MEGF10: variants seen among roughly 807,000 people sequenced by gnomAD.
MEGF10 encodes the protein multiple epidermal growth factor-like domains protein 10.
In MEGF10, 86 loss-of-function variants were observed where a neutral mutation model predicts 147.5. The ratio of observed to expected loss-of-function variants is 0.58; its 90% confidence interval spans 0.49 to 0.70. The LOEUF (loss-of-function observed/expected upper bound fraction) is 0.70, where lower values mean the gene tolerates loss of function less well. Ranked by LOEUF, MEGF10 falls within the 30% of genes least tolerant of loss-of-function variation. MEGF10 has a pLI of 0.00. For missense variants in MEGF10, 1,329 were observed against 1,487.3 expected, an observed-to-expected ratio of 0.89 and a Z score of 1.75; for synonymous variants, 478 against 525.5, an observed-to-expected ratio of 0.91 and a Z score of 1.24.
intron 4 of MEGF10, among the ~76,000 whole-genome samples, chr5:127,344,575 T>A (rs1230605247): frequency 6.6e-6 from 1 of 152,126 alleles, no homozygotes; most frequent in Non-Finnish European, 1.5e-5. Context: ...TGTCACATGT[T>A]GTCAAGAAAT....
intron 5 of MEGF10, among the ~76,000 whole-genome samples, chr5:127,384,524 A>T (rs569524584): frequency 6.6e-6 from 1 of 152,364 alleles, no homozygotes; most frequent in African/African-American, 2.4e-5. Flanking sequence ...ATAGAGACAC[A>T]TCAACATTTG....
chr5:127,389,453 A>G (rs1278014296), intron 5 of MEGF10, among the ~76,000 whole-genome samples: 1 of 152,246 alleles, frequency 6.6e-6, no homozygotes, highest in African/African-American at 2.4e-5. Context: ...TTGTTCCAAC[A>G]TAAAGATACA....
At position 127,457,144 on chromosome 5, in the gene MEGF10, T is replaced by G. The variant is rs765185920; in HGVS notation, c.3249T>G (p.Val1083=). The part of the protein sequence containing the change: ...NVYEVEPTVS[V]VQGVFSNNGR... The stretch of plus-strand genomic sequence containing the variant: ...TTATCACAGAACCTACAGTGAGTGT[T>G]GTCCAAGGAGTATTCAGCAATAATG... Residue 1083 remains valine, a synonymous_variant, in exon 25 of 25, where the codon GTT becomes GTG. Coordinates refer to ENST00000503335, the MANE Select transcript of MEGF10 (RefSeq NM_001256545.2). The G allele has an allele frequency of 2.5e-6, 4 of 1,612,700 alleles. No individual in the cohort carries two copies. The highest frequency in any genetic ancestry group is 3.4e-6 in the Non-Finnish European group (4 of 1,179,512).
chr5:127,336,293 CTA>C (rs1761466836), intron 2 of MEGF10, among the ~76,000 whole-genome samples: 1 of 151,716 alleles, frequency 6.6e-6, no homozygotes, highest in Non-Finnish European at 1.5e-5. Context: ...TTCCCCCAAG[CTA>C]TATATATTTC....
chr5:127,412,647 A>G (rs557709364), intron 9 of MEGF10, among the ~76,000 whole-genome samples: 17 of 152,280 alleles, frequency 1.1e-4, no homozygotes, highest in Admixed American at 8.5e-4. Flanking sequence ...ATAGTTGGGT[A>G]AGGGTTTGTA....
At chr5:127,456,306 A>G (rs1398463311) in intron 24 of MEGF10, among the ~76,000 whole-genome samples, 2 of 152,204 alleles carry the variant, frequency 1.3e-5, no homozygotes, top group Admixed American at 1.3e-4. Context: ...ATGCAAATTA[A>G]TATGAATTCA....
At chr5:127,318,955 T>A (rs998559725) in intron 1 of MEGF10, among the ~76,000 whole-genome samples, 1 of 152,184 alleles carries the variant, frequency 6.6e-6, no homozygotes, top group East Asian at 1.9e-4. Flanking sequence ...TTCAATAAAC[T>A]TTTATTTGTC....
intron 1 of MEGF10, among the ~76,000 whole-genome samples, chr5:127,314,865 A>G (rs1043266119): frequency 1.3e-5 from 2 of 152,214 alleles, no homozygotes; most frequent in African/African-American, 2.4e-5. Context: ...AACAAATGAC[A>G]GTAATATAGT....
intron 1 of MEGF10, among the ~76,000 whole-genome samples, chr5:127,325,469 C>T (rs1192659720): frequency 6.6e-6 from 1 of 151,940 alleles, no homozygotes; most frequent in Non-Finnish European, 1.5e-5. Flanking sequence ...AGTGAATTAC[C>T]AGGGTCTTCC....
chr5:127,387,186 A>G (rs1450798604), intron 5 of MEGF10, among the ~76,000 whole-genome samples: 1 of 152,176 alleles, frequency 6.6e-6, no homozygotes, highest in African/African-American at 2.4e-5. Context: ...TGGATGAGAC[A>G]ATGTATTAAT....
At chr5:127,373,184 G>A (rs1008098057) in intron 5 of MEGF10, among the ~76,000 whole-genome samples, 11 of 152,036 alleles carry the variant, frequency 7.2e-5, no homozygotes, top group South Asian at 6.2e-4. Flanking sequence ...CTAGAGTCTC[G>A]CTCTGTCACC....
chr5:127,339,145 T>C lies in MEGF10; in HGVS notation c.142T>C (p.Tyr48His), dbSNP rs768723817. 1.2e-6 allele frequency: 2 copies of C among 1,612,032 alleles called. No individual in the cohort carries two copies. Among genetic ancestry groups the C allele is most frequent in the South Asian group, 2.2e-5 (2 of 91,000 alleles). The change falls in exon 3 of 25, where the codon TAC becomes CAC. Residue 48 changes from tyrosine (Y) to histidine (H), a missense_variant. This residue lies in a region of MEGF10 where 980 missense variants were observed against 1,085.9 expected (regional missense o/e 0.90). Coordinates refer to ENST00000503335, the MANE Select transcript of MEGF10 (RefSeq NM_001256545.2). The stretch of plus-strand genomic sequence containing the variant: ...CTACTCAGTGACTGTGCAAGAGTCA[T>C]ACCCACATCCCTTTGATCAAATTTA... ...ESYSVTVQES[Y>H]PHPFDQIYYT...
At chr5:127,338,336 G>A (rs1034970893) in intron 2 of MEGF10, among the ~76,000 whole-genome samples, 6 of 152,092 alleles carry the variant, frequency 3.9e-5, no homozygotes, top group Admixed American at 6.6e-5. Flanking sequence ...GCATGTAATA[G>A]ACTGTTTAAA....
chr5:127,301,390 A>ATT (rs368020611), intron 1 of MEGF10, among the ~76,000 whole-genome samples: 259 of 149,872 alleles, frequency 1.7e-3, no homozygotes, highest in African/African-American at 5.9e-3. Flanking sequence ...AAATAGGAGC[A>ATT]TTTTTTTTTT....
At chr5:127,289,159 G>T (rs1235664424), upstream of MEGF10, among the ~76,000 whole-genome samples, 1 of 152,134 alleles carries the variant, frequency 6.6e-6, no homozygotes, top group Admixed American at 6.5e-5. Flanking sequence ...GGTTACATGG[G>T]TGTGTACATT....
At chr5:127,306,913 G>A (rs1484574131) in intron 1 of MEGF10, among the ~76,000 whole-genome samples, 1 of 152,178 alleles carries the variant, frequency 6.6e-6, no homozygotes, top group Non-Finnish European at 1.5e-5. Flanking sequence ...AAGCTTAGCT[G>A]CCTGCTTTTA....
chr5:127,288,620 T>C (rs1293839588), upstream of MEGF10, among the ~76,000 whole-genome samples: 2 of 152,176 alleles, frequency 1.3e-5, no homozygotes, highest in Admixed American at 1.3e-4. Flanking sequence ...GTGAAGCAAT[T>C]ATCATATCTT....
At position 127,458,951 on chromosome 5, in the gene MEGF10, G is replaced by A. The variant is rs1766465379; in HGVS notation, c.*1633G>A. ...GCAAACCAGACTTATCTTGCAATAT[G>A]AGAATGCTGACACAATGCAGGAAAG... On this transcript the variant is annotated 3_prime_UTR_variant, in exon 25 of 25. Coordinates refer to ENST00000503335, the MANE Select transcript of MEGF10 (RefSeq NM_001256545.2). 1 of 152,162 alleles carries A rather than the reference G, an allele frequency of 6.6e-6. No homozygotes were observed. The highest frequency in any genetic ancestry group is 1.5e-5 in the Non-Finnish European group (1 of 68,030). 9.4% of individuals were successfully genotyped at this position (152,162 alleles called of 1,614,324 possible).
At chr5:127,455,945 T>C (rs930473093) in intron 24 of MEGF10, among the ~76,000 whole-genome samples, 1 of 152,148 alleles carries the variant, frequency 6.6e-6, no homozygotes, top group Admixed American at 6.6e-5. Context: ...TTTGTCACCA[T>C]ATTTTATTAA....
Sources: gnomAD v4.1 joint callset for allele counts (sites outside exome capture counted in the v4.1 genomes callset) on GRCh38, gnomAD v4.1.1 for gene constraint, gnomAD v4.1.1 regional missense constraint, MANE v1.5 for transcripts, NCBI Gene and HGNC (gene_info 2026-07-23, HGNC 2026-07-21) for gene names.